Variants in TMEM63A observed in about 807,000 individuals in gnomAD.
The protein encoded by TMEM63A is transmembrane protein 63A, also known as mechanosensitive cation channel TMEM63A.
Under a neutral mutation model 100.6 loss-of-function variants are expected in TMEM63A, and 76 were observed. The observed-to-expected ratio is 0.76, with a 90% CI of 0.63 to 0.91. The LOEUF (loss-of-function observed/expected upper bound fraction) is 0.91, where lower values mean the gene tolerates loss of function less well. Among genes scored for constraint, TMEM63A ranks in the 40% least tolerant of loss-of-function variants. The pLI is 0.00. For synonymous variants in TMEM63A, 401 were observed against 401.1 expected (o/e 1.00, Z 0.00); for missense variants, 876 against 1,008.8 (o/e 0.87, Z 1.78).
At chr1:225,845,342 C>T (rs773988151), downstream of TMEM63A, 3 of 1,608,214 alleles carry the variant, frequency 1.9e-6, no homozygotes, top group Non-Finnish European at 2.5e-6. Flanking sequence ...GCTGGAGCGG[C>T]AATGACCCAC....
chr1:225,852,834 C>CT (rs1440238439), intron 19 of TMEM63A, 65 bp from the exon 20 acceptor site: 1 of 1,457,518 alleles, frequency 6.9e-7, no homozygotes, highest in East Asian at 2.3e-5. Context: ...TTTGTGCTCT[C>CT]TAAGTGGTGA....
Position 225,865,833 on chromosome 1 carries a change from C to A in TMEM63A, c.746+64G>T, listed in dbSNP as rs928068724. On this transcript the variant is annotated intron_variant, in intron 10 of 24. Transcript: ENST00000366835. The surrounding 1 kb of genome is among the most constrained non-coding windows in gnomAD (Gnocchi z 4.6). ...GCGCTCACCTAAGGTGCTCGCCCTG[C>A]GGGTGGGGCTGTGTTGGTCCTACGT... 5 of 1,560,446 alleles carry A rather than the reference C, an allele frequency of 3.2e-6. No homozygotes were observed. The highest frequency in any genetic ancestry group is 3.4e-5 in the Admixed American group (2 of 58,232).
chr1:225,847,017 C>G lies in TMEM63A; in HGVS notation c.*6+17G>C, dbSNP rs764714057. ...ACCCCACAGGCTCCCCTGAGCCTGG[C>G]CCAGCCAGCAGCTCACCCAGCCTCA... On this transcript the variant is annotated intron_variant, in intron 24 of 24. Transcript: ENST00000366835. The G allele has an allele frequency of 1.4e-5, 23 of 1,594,656 alleles. No homozygotes were observed. The East Asian group carries it at 1.6e-4, about 11-fold the overall frequency.
Position 225,862,604 on chromosome 1 carries a change from A to T in TMEM63A, c.828-26T>A. ...CTGTAGGGGTGGGAGCGGGGGCACA[A>T]ACCTCAGATTTAGAATCCTGTGGCA... On this transcript the variant is annotated intron_variant, in intron 11 of 24. Transcript: ENST00000366835. The surrounding 1 kb of genome is among the most constrained non-coding windows in gnomAD (Gnocchi z 5.1). The T allele has an allele frequency of 1.2e-6, 2 of 1,609,060 alleles. No homozygotes were observed. Among genetic ancestry groups the T allele is most frequent in the Non-Finnish European group, 1.7e-6 (2 of 1,177,176 alleles).
At chr1:225,843,719 G>A (rs1037302691), downstream of TMEM63A, among the ~76,000 whole-genome samples, 2 of 152,254 alleles carry the variant, frequency 1.3e-5, no homozygotes, top group Non-Finnish European at 2.9e-5. Flanking sequence ...GAATACACTA[G>A]GGTGGAAATG....
Position 225,866,596 on chromosome 1 carries a change from A to T in TMEM63A, c.653T>A (p.Ile218Asn). ...VGFMRHHTQS[I>N]KYKEENLVRR... is the part of the protein sequence containing the mutation. ...CACCAGGTTCTCCTCTTTGTACTTA[A>T]TGGACTGAGTGTGGTGCCGCATGAA... Residue 218 changes from isoleucine (I) to asparagine (N), a missense_variant, in exon 9 of 25, where the codon ATT becomes AAT. By Grantham distance (149) the Ile-to-Asn change is moderately radical (BLOSUM62 -3). Coordinates refer to ENST00000366835, the MANE Select transcript of TMEM63A (RefSeq NM_014698.3). The T allele has an allele frequency of 1.2e-6, 2 of 1,613,884 alleles. No homozygotes were observed. Among genetic ancestry groups the T allele is most frequent in the Non-Finnish European group, 1.7e-6 (2 of 1,179,882 alleles).
At chr1:225,872,852 C>A (rs1003677799) in intron 4 of TMEM63A, among the ~76,000 whole-genome samples, 61 of 151,906 alleles carry the variant, frequency 4.0e-4, no homozygotes, top group African/African-American at 1.4e-3. Flanking sequence ...CGCCACCATG[C>A]CTGGCTAATT....
chr1:225,857,041 G>T, intron 15 of TMEM63A, 24 bp from the exon 16 acceptor site: 1 of 1,550,348 alleles, frequency 6.5e-7, no homozygotes, highest in Non-Finnish European at 8.7e-7. Context: ...CCACAGCAGA[G>T]AGAGTCACAG....
intron 15 of TMEM63A, 79 bp from the exon 16 acceptor site, chr1:225,857,096 G>T (rs1049986605): frequency 1.6e-6 from 2 of 1,217,032 alleles, no homozygotes; most frequent in Non-Finnish European, 2.2e-6. Flanking sequence ...TATTGGTATG[G>T]TCGCTCAGTG....
chr1:225,869,160 A>C (rs1461902724), intron 6 of TMEM63A, among the ~76,000 whole-genome samples: 2 of 152,132 alleles, frequency 1.3e-5, no homozygotes, highest in East Asian at 1.9e-4. Context: ...CAGGTCATGG[A>C]GCTTACCCGC....
chr1:225,854,986 G>A (rs561506183), intron 18 of TMEM63A, among the ~76,000 whole-genome samples: 23 of 152,348 alleles, frequency 1.5e-4, no homozygotes, highest in South Asian at 2.1e-4. Flanking sequence ...TGAGGATTGA[G>A]CTGGTCACTG....
In TMEM63A at chr1:225,846,820, A is replaced by C; in HGVS notation, c.*119T>G. ...CTGTGCTCTCCTCACCACTGCTGGG[A>C]CCAGAAAAGATGGGCACCTGATAGC... On this transcript the variant is annotated 3_prime_UTR_variant, in exon 25 of 25. Transcript: ENST00000366835. The C allele has an allele frequency of 2.0e-6, 1 of 511,726 alleles. No individual in the cohort carries two copies. Among genetic ancestry groups the C allele is most frequent in the East Asian group, 3.3e-5 (1 of 30,366 alleles). 31.7% of individuals were successfully genotyped at this position (511,726 alleles called of 1,614,324 possible).
At chr1:225,880,002 C>A (rs1332757381) in intron 1 of TMEM63A, among the ~76,000 whole-genome samples, 2 of 151,898 alleles carry the variant, frequency 1.3e-5, no homozygotes, top group African/African-American at 4.8e-5. Context: ...GGAGAGAGGC[C>A]TCTGCGGAGG....
chr1:225,882,134 G>C (rs555128632), intron 1 of TMEM63A, among the ~76,000 whole-genome samples, 170 bp downstream of exon 1: 4 of 152,228 alleles, frequency 2.6e-5, no homozygotes, highest in Non-Finnish European at 5.9e-5. Flanking sequence ...TGGAGGCGCT[G>C]CCCGGACCCT....
chr1:225,845,563 AGC>A lies in TMEM63A; in HGVS notation c.*1374_*1375del. On this transcript the variant is annotated 3_prime_UTR_variant, in exon 25 of 25. Coordinates refer to ENST00000366835, the MANE Select transcript of TMEM63A (RefSeq NM_014698.3). ...TGATGATAAACGACTTTACTCTAAA[AGC>A]GGCTGGAACTCAGTGACATGAGCGT... 1 of 607,546 alleles carries A rather than the reference AGC, an allele frequency of 1.6e-6. No individual in the cohort carries two copies. Among genetic ancestry groups the A allele is most frequent in the South Asian group, 2.0e-5 (1 of 50,726 alleles). 37.6% of individuals were successfully genotyped at this position (607,546 alleles called of 1,614,324 possible). A position where few individuals can be genotyped will look rare whatever the true frequency, so the allele number is the denominator to read the frequency against.
In TMEM63A at chr1:225,862,658, C is replaced by A; in HGVS notation, c.828-80G>T. On this transcript the variant is annotated intron_variant, in intron 11 of 24. Coordinates refer to ENST00000366835, the MANE Select transcript of TMEM63A (RefSeq NM_014698.3). This position sits in a 1 kb window ranked among gnomAD's most constrained non-coding sequence, Gnocchi z 5.1. ...ACCCCCATACCCACAGTTCAACCAT[C>A]GAACGCCAGGGGAGAAGGAGGGGTC... 1.2e-6 allele frequency: 2 copies of A among 1,601,326 alleles called. No homozygotes were observed. The highest frequency in any genetic ancestry group is 1.3e-5 in the African/African-American group (1 of 74,738).
intron 1 of TMEM63A, among the ~76,000 whole-genome samples, chr1:225,881,377 C>T (rs1422456671): frequency 6.6e-6 from 1 of 152,202 alleles, no homozygotes; most frequent in Non-Finnish European, 1.5e-5. Flanking sequence ...AGCCCAGGAC[C>T]CGGCCCTAGC....
downstream of TMEM63A, chr1:225,845,311 C>T: frequency 6.2e-7 from 1 of 1,612,292 alleles, no homozygotes; most frequent in Non-Finnish European, 8.5e-7. Flanking sequence ...TCGCCCAGGA[C>T]ATCCGCAAGT....
In TMEM63A at chr1:225,848,983, A is replaced by C; in HGVS notation, c.2101T>G (p.Phe701Val). 7.2e-7 allele frequency: 1 copy of C among 1,398,466 alleles called. No individual in the cohort carries two copies. The highest frequency in any genetic ancestry group is 9.6e-7 in the Non-Finnish European group (1 of 1,045,676). The allele number at this position is 1,398,466 out of a possible 1,614,324, so 86.6% of individuals were successfully genotyped here. Residue 701 changes from phenylalanine to valine, a missense_variant, in exon 22 of 25, where the codon TTC (phenylalanine) becomes GTC (valine). Phe to Val is a conservative substitution (Grantham distance 50). Around this residue, in one of 5 missense-constraint regions of TMEM63A, gnomAD observed 339 missense variants for 342.3 expected, o/e 0.99. Coordinates refer to ENST00000366835, the MANE Select transcript of TMEM63A (RefSeq NM_014698.3). The part of the protein sequence containing the change: ...GMKAPATLFT[F>V]LVLLLTILVC... The stretch of plus-strand genomic sequence containing the variant: ...AGGATGGTGAGCAGCAGCACCAGGA[A>C]GGTGAACAGAGTGGCGGGGGCCTTC...
Sources: gnomAD v4.1 joint callset for allele counts (sites outside exome capture counted in the v4.1 genomes callset) on GRCh38, gnomAD v4.1.1 for gene constraint, gnomAD v4.1.1 regional missense constraint, Gnocchi (gnomAD v3.1) non-coding constraint, MANE v1.5 for transcripts, NCBI Gene and HGNC (gene_info 2026-07-23, HGNC 2026-07-21) for gene names.